Variants in SNX31 observed in about 807,000 individuals in gnomAD.
The protein encoded by SNX31 is sorting nexin-31.
In SNX31, 58 loss-of-function variants were observed where a neutral mutation model predicts 65.4. The observed-to-expected ratio is 0.89, with a 90% CI of 0.72 to 1.10. The LOEUF is 1.10. Among genes scored for constraint, SNX31 ranks in the 50% least tolerant of loss-of-function variants. The pLI, the probability that SNX31 is intolerant of heterozygous loss-of-function variation, is 0.00. For synonymous variants in SNX31, 181 were observed against 190.1 expected (o/e 0.95, Z 0.39); for missense variants, 523 against 529.7 (o/e 0.99, Z 0.12).
At position 100,573,893 on chromosome 8, in the gene SNX31, A is replaced by G; in HGVS notation, c.1295T>C (p.Phe432Ser). ...GAGATCTTCTTCCTTTATGTTCCCA[A>G]AAACGCAGTCATCTTTAGCTATCTT... Reference protein sequence around the residue: ...KIKIAKDDCVFGNIKEEDL With the variant: ...KIKIAKDDCVSGNIKEEDL The change falls in exon 14 of 14, where the codon TTT becomes TCT. Residue 432 changes from phenylalanine (F) to serine (S), a missense_variant. Transcript: ENST00000311812. 1 of 1,584,696 alleles carries G rather than the reference A, an allele frequency of 6.3e-7. No homozygotes were observed. The highest frequency in any genetic ancestry group is 8.6e-7 in the Non-Finnish European group (1 of 1,167,052).
intron 8 of SNX31, among the ~76,000 whole-genome samples, chr8:100,608,076 A>G (rs1419718350): frequency 1.3e-5 from 2 of 152,194 alleles, no homozygotes; most frequent in Non-Finnish European, 2.9e-5. Flanking sequence ...GTCAGCTGCA[A>G]ATTCAGAGAT....
intron 13 of SNX31, among the ~76,000 whole-genome samples, chr8:100,574,920 C>A (rs748184868): frequency 1.3e-5 from 2 of 151,972 alleles, no homozygotes; most frequent in South Asian, 2.1e-4. Flanking sequence ...GGCAAGGGAG[C>A]GAGACTCTGT....
chr8:100,605,503 A>G (rs1816067796), intron 8 of SNX31, among the ~76,000 whole-genome samples: 1 of 152,208 alleles, frequency 6.6e-6, no homozygotes, highest in Non-Finnish European at 1.5e-5. Flanking sequence ...TTGCCAGGCA[A>G]TGAGCTAAGG....
chr8:100,590,136 T>G (rs1448060975), intron 10 of SNX31, among the ~76,000 whole-genome samples: 1 of 152,242 alleles, frequency 6.6e-6, no homozygotes, highest in African/African-American at 2.4e-5. Context: ...TGTGTTGGTT[T>G]CTATTGCTTG....
At chr8:100,632,650 C>G (rs1818487681) in intron 3 of SNX31, among the ~76,000 whole-genome samples, 1 of 152,026 alleles carries the variant, frequency 6.6e-6, no homozygotes, top group South Asian at 2.1e-4. Flanking sequence ...GATACAGGGT[C>G]TCCATCTGTC....
At position 100,573,621 on chromosome 8, in the gene SNX31, T is replaced by C. The variant is rs776433966; in HGVS notation, c.*244A>G. ...ATTAAAAACAAACTCTATACTGTCA[T>C]GACGAAGTGCAAAAATAAAATAAAA... On this transcript the variant is annotated 3_prime_UTR_variant, in exon 14 of 14. Transcript: ENST00000311812. 2.7e-5 allele frequency: 8 copies of C among 301,586 alleles called. No individual in the cohort carries two copies. Among genetic ancestry groups the C allele is most frequent in the Non-Finnish European group, 3.6e-5 (6 of 165,856 alleles). 18.7% of individuals were successfully genotyped at this position (301,586 alleles called of 1,614,324 possible). A position where few individuals can be genotyped will look rare whatever the true frequency, so the allele number is the denominator to read the frequency against.
At chr8:100,634,611 T>C (rs985419099) in intron 3 of SNX31, among the ~76,000 whole-genome samples, 1 of 151,744 alleles carries the variant, frequency 6.6e-6, no homozygotes, top group Admixed American at 6.6e-5. Context: ...TAGCTGAGCA[T>C]GGTGGCAAGC....
chr8:100,636,153 G>C (rs1443694172), intron 2 of SNX31, 142 bp from the exon 3 acceptor site: 1 of 594,360 alleles, frequency 1.7e-6, no homozygotes, highest in Admixed American at 2.9e-5. Flanking sequence ...AGGGGGAAAA[G>C]AGGACAATCT....
intron 1 of SNX31, among the ~76,000 whole-genome samples, chr8:100,659,705 C>T (rs183186658): frequency 9.2e-5 from 14 of 152,136 alleles, no homozygotes; most frequent in African/African-American, 2.9e-4. Context: ...GTTTCCTCAA[C>T]CCCAAGACAA....
upstream of SNX31, among the ~76,000 whole-genome samples, chr8:100,652,114 G>T (rs1819984828): frequency 6.6e-6 from 1 of 152,084 alleles, no homozygotes; most frequent in Non-Finnish European, 1.5e-5. Flanking sequence ...GAGTAGCTGG[G>T]ATTACAGGCA....
chr8:100,615,440 C>T (rs964410914), intron 5 of SNX31, among the ~76,000 whole-genome samples: 1 of 152,198 alleles, frequency 6.6e-6, no homozygotes, highest in Non-Finnish European at 1.5e-5. Context: ...TTTACTTAGA[C>T]ATTGTCTGTA....
In SNX31 at chr8:100,588,229, T is replaced by C. The variant is rs1187353152; in HGVS notation, c.1092+637A>G. Among the ~76,000 whole-genome samples, 1 of 152,190 alleles carries C rather than the reference T, an allele frequency of 6.6e-6. No homozygotes were observed. The highest frequency in any genetic ancestry group is 6.5e-5 in the Admixed American group (1 of 15,284). ...ATGTTATGTACCACATGAATGTATA[T>C]GCAAATATTTCAAGATTTAAAAAAA... is the stretch of plus-strand genomic sequence containing the variant. On this transcript the variant is annotated intron_variant, in intron 11 of 13. Transcript: ENST00000311812. The surrounding 1 kb of genome is among the most constrained non-coding windows in gnomAD (Gnocchi z 4.8).
chr8:100,657,781 GA>G, intron 1 of SNX31: 1 of 456,142 alleles, frequency 2.2e-6, no homozygotes. Context: ...TGAGGCAGGA[GA>G]ATCCCTTGAA....
upstream of SNX31, among the ~76,000 whole-genome samples, chr8:100,650,856 T>TG (rs1189127598): frequency 3.4e-5 from 5 of 148,978 alleles, no homozygotes; most frequent in South Asian, 4.3e-4. Context: ...TTTTGTTTTT[T>TG]TTTTTTTTGT....
intron 2 of SNX31, among the ~76,000 whole-genome samples, chr8:100,637,108 A>C (rs950021032): frequency 1.3e-5 from 2 of 152,260 alleles, no homozygotes; most frequent in African/African-American, 2.4e-5. Context: ...GAAACCAGCC[A>C]GGCCCTTCTC....
intron 8 of SNX31, among the ~76,000 whole-genome samples, chr8:100,608,030 T>C (rs564282656): frequency 6.6e-6 from 1 of 152,338 alleles, no homozygotes; most frequent in South Asian, 2.1e-4. Flanking sequence ...CTTTAAGTTA[T>C]CAGGGATATC....
At position 100,622,570 on chromosome 8, in the gene SNX31, G is replaced by A. The variant is rs1817770971; in HGVS notation, c.322-4840C>T. The stretch of plus-strand genomic sequence containing the variant: ...GGAGGCTGAGGCAGGAGAATCACTT[G>A]AACCCAGGAGGCGGAGGTTGCAGTG... On this transcript the variant is annotated intron_variant, in intron 4 of 13. Coordinates refer to ENST00000311812, the MANE Select transcript of SNX31 (RefSeq NM_152628.4). This position sits in a 1 kb window ranked among gnomAD's most constrained non-coding sequence, Gnocchi z 5.0. 6.6e-6 allele frequency among the ~76,000 whole-genome samples: 1 copy of A among 152,142 alleles called. No individual in the cohort carries two copies. Among genetic ancestry groups the A allele is most frequent in the South Asian group, 2.1e-4 (1 of 4,820 alleles).
chr8:100,577,470 G>A (rs550415573), intron 12 of SNX31, among the ~76,000 whole-genome samples: 1 of 152,322 alleles, frequency 6.6e-6, no homozygotes, highest in African/African-American at 2.4e-5. Context: ...TTAATCAAAC[G>A]AAGAATCAAA....
rs1488912267 is a variant in SNX31 at position 100,622,317 on chromosome 8, A to G, written c.322-4587T>C. On this transcript the variant is annotated intron_variant, in intron 4 of 13. Transcript: ENST00000311812. This position sits in a 1 kb window ranked among gnomAD's most constrained non-coding sequence, Gnocchi z 5.0. ...GGTTCCATATTTCTCAAAATAATCC[A>G]AGTGAGAAGAGAAAAAGAACTAGCA... Among the ~76,000 whole-genome samples, 5 of 152,220 alleles carry G rather than the reference A, an allele frequency of 3.3e-5. No homozygotes were observed. Among genetic ancestry groups the G allele is most frequent in the Non-Finnish European group, 7.3e-5 (5 of 68,038 alleles).
Sources: allele counts gnomAD v4.1 joint callset (sites outside exome capture counted in the v4.1 genomes callset), GRCh38; gene constraint gnomAD v4.1.1; non-coding constraint Gnocchi (gnomAD v3.1); transcripts MANE v1.5; gene names NCBI Gene and HGNC (gene_info 2026-07-23, HGNC 2026-07-21).